The following SLC18B1 variants were observed in gnomAD, a reference collection of about 807,000 sequenced individuals.
SLC18B1 encodes MFS-type transporter SLC18B1.
SLC18B1 carries 62 observed loss-of-function variants against 53.9 expected under a neutral mutation model. That is an observed-to-expected ratio of 1.15 (90% CI 0.94 to 1.42). The LOEUF (loss-of-function observed/expected upper bound fraction) is 1.42. SLC18B1 is among the 40% of genes most tolerant of loss of function. The pLI is 0.00. For missense variants in SLC18B1, 598 were observed against 547.3 expected (o/e 1.09, Z -0.93); for synonymous variants, 217 against 200.9 (o/e 1.08, Z -0.68).
intron 7 of SLC18B1, among the ~76,000 whole-genome samples, chr6:132,776,659 A>G (rs1781108379): frequency 6.6e-6 from 1 of 151,866 alleles, no homozygotes; most frequent in Non-Finnish European, 1.5e-5. Context: ...AGCCTTTGGC[A>G]TTAAACATAT....
chr6:132,780,313 G>A (rs1192123859), intron 6 of SLC18B1, among the ~76,000 whole-genome samples: 3 of 151,780 alleles, frequency 2.0e-5, no homozygotes, highest in African/African-American at 7.3e-5. Context: ...TGCCCAGGCT[G>A]GTCTCAAATT....
In SLC18B1 at chr6:132,776,395, A is replaced by T. The variant is rs1271329288; in HGVS notation, c.830T>A (p.Phe277Tyr). 2 of 1,613,628 alleles carry T rather than the reference A, an allele frequency of 1.2e-6. No homozygotes were observed. Reference sequence around the variant, plus strand: ...GGCATAGGACAGTGCCATACCCAGGAATACTAGTCCCACATATCCAGCTGG... The same window carrying T: ...GGCATAGGACAGTGCCATACCCAGGTATACTAGTCCCACATATCCAGCTGG... ...NLPAGYVGLVFLGMALSYAIS... is the reference protein window; with the variant it reads ...NLPAGYVGLVYLGMALSYAIS... Residue 277 changes from phenylalanine (F) to tyrosine (Y), a missense_variant, in exon 8 of 14, where the codon TTC becomes TAC. Phe to Tyr is a conservative substitution (Grantham distance 22). Transcript: ENST00000275227.
chr6:132,793,241 C>T (rs915951440), intron 2 of SLC18B1, among the ~76,000 whole-genome samples: 1 of 152,192 alleles, frequency 6.6e-6, no homozygotes, highest in East Asian at 1.9e-4. Flanking sequence ...CACTGTTTTT[C>T]CTTTGCCCAG....
Position 132,775,874 on chromosome 6 carries a change from A to AT in SLC18B1, c.897+453dup, listed in dbSNP as rs755021208. ...TTGCCCTATTTATTAAGATCAATCC[A>AT]TTTTTTTACATCAAGTGAGCTTTTT... On this transcript the variant is annotated intron_variant, in intron 8 of 13. Transcript: ENST00000275227. Among the ~76,000 whole-genome samples, 98 of 152,098 alleles carry AT rather than the reference A, an allele frequency of 6.4e-4. 1 individual carries two copies. The highest frequency in any genetic ancestry group is 5.3e-4 in the Non-Finnish European group (36 of 68,028).
At chr6:132,783,857 CTG>C (rs1483267089) in intron 6 of SLC18B1, 74 bp downstream of exon 6, 2 of 1,135,178 alleles carry the variant, frequency 1.8e-6, no homozygotes, top group African/African-American at 3.3e-5. Flanking sequence ...AAAATAATAA[CTG>C]GTAAAACTGG....
chr6:132,790,026 A>G, intron 3 of SLC18B1, 151 bp downstream of exon 3: 1 of 706,080 alleles, frequency 1.4e-6, no homozygotes, highest in Non-Finnish European at 2.4e-6. Context: ...AAATCAATCA[A>G]CTCTGAGGAG....
chr6:132,798,285 C>G (rs1282855881), intron 1 of SLC18B1, 129 bp downstream of exon 1: 1 of 1,012,232 alleles, frequency 9.9e-7, no homozygotes, highest in Non-Finnish European at 1.3e-6. Flanking sequence ...CCGAACCCCA[C>G]GATCAGGCCC....
At chr6:132,782,418 A>G (rs1781261983) in intron 6 of SLC18B1, among the ~76,000 whole-genome samples, 1 of 152,184 alleles carries the variant, frequency 6.6e-6, no homozygotes, top group African/African-American at 2.4e-5. Flanking sequence ...AGAACACTTA[A>G]AATCTACTAT....
At chr6:132,784,210 C>A in intron 5 of SLC18B1, 121 bp from the exon 6 acceptor site, 1 of 664,466 alleles carries the variant, frequency 1.5e-6, no homozygotes, top group Non-Finnish European at 2.2e-6. Context: ...CCAAGATGGC[C>A]CCAAAATTTA....
chr6:132,778,940 C>T (rs1394569690), intron 7 of SLC18B1, among the ~76,000 whole-genome samples: 1 of 152,152 alleles, frequency 6.6e-6, no homozygotes, highest in African/African-American at 2.4e-5. Context: ...CCCCTAATGT[C>T]TCATTGCAAT....
In SLC18B1 at chr6:132,785,118, A is replaced by AGTGTGT. The variant is rs3063220; in HGVS notation, c.502-1035_502-1030dup. ...TGTTCTCGTGCTCTCTCTCTCTCTC[A>AGTGTGT]GTGTGTGTGTGTGTGTGTGTGTGTG... On this transcript the variant is annotated intron_variant, in intron 5 of 13. Transcript: ENST00000275227. Among the ~76,000 whole-genome samples the AGTGTGT allele has an allele frequency of 4.6e-4, 66 of 143,096 alleles. 1 individual carries two copies. The South Asian group carries it at 0.012, about 26-fold the overall frequency. The allele number at this position is 143,096 out of a possible 152,430, so 93.9% of individuals were successfully genotyped here.
At position 132,787,536 on chromosome 6, in the gene SLC18B1, A is replaced by G; in HGVS notation, c.399T>C (p.Cys133=). The change falls in exon 5 of 14, where the codon TGT becomes TGC. Residue 133 remains cysteine (C), a synonymous_variant. Transcript: ENST00000275227. ...VPDGPVFIAM[C]FLVRVMDAVS... ...CTGCATCCATTACTCTCACTAGAAA[A>G]CACATAGCAATAAATACTGGCCCAT... 6.2e-7 allele frequency: 1 copy of G among 1,610,614 alleles called. No individual in the cohort carries two copies. Among genetic ancestry groups the G allele is most frequent in the Non-Finnish European group, 8.5e-7 (1 of 1,178,620 alleles).
intron 9 of SLC18B1, 30 bp downstream of exon 9, chr6:132,774,192 G>A (rs1375189396): frequency 2.6e-6 from 4 of 1,541,388 alleles, no homozygotes; most frequent in Non-Finnish European, 3.5e-6. Context: ...ATGTTATTTG[G>A]CCAAACATAC....
rs1246019306 is a variant in SLC18B1, at chr6:132,792,309, A to G, written c.184-2037T>C. Among the ~76,000 whole-genome samples the G allele has an allele frequency of 1.2e-4, 13 of 105,866 alleles. 1 individual carries two copies. The South Asian group carries it at 4.6e-3, about 37-fold the overall frequency. The allele number at this position is 105,866 out of a possible 152,430, so 69.5% of individuals were successfully genotyped here. On this transcript the variant is annotated intron_variant, in intron 2 of 13. Coordinates refer to ENST00000275227, the MANE Select transcript of SLC18B1 (RefSeq NM_052831.3). The stretch of plus-strand genomic sequence containing the variant: ...GAAGAAAGGAAGGAAGGAAGGAAGG[A>G]AGGAAGGAAGGAAGGAAGGAAGGAA...
intron 1 of SLC18B1, 121 bp downstream of exon 1, chr6:132,798,293 C>T: frequency 8.9e-7 from 1 of 1,122,422 alleles, no homozygotes; most frequent in Non-Finnish European, 1.2e-6. Flanking sequence ...CACGATCAGG[C>T]CCCAGCCTTT....
rs571674795 is a variant in SLC18B1, at chr6:132,798,578, C to T, written c.-122G>A. 985 of 1,031,554 alleles carry T rather than the reference C, an allele frequency of 9.5e-4. 1 individual carries two copies. Among genetic ancestry groups the T allele is most frequent in the Admixed American group, 1.7e-3 (45 of 25,790 alleles). The allele number at this position is 1,031,554 out of a possible 1,614,324, so 63.9% of individuals were successfully genotyped here. The stretch of plus-strand genomic sequence containing the variant: ...CTGCTCAGCTGGAACCTGGCATCCC[C>T]GACTCCCTGCAGGCAGCGATCCGCC... On this transcript the variant is annotated 5_prime_UTR_variant, in exon 1 of 14. Transcript: ENST00000275227.
intron 6 of SLC18B1, among the ~76,000 whole-genome samples, chr6:132,780,068 C>A (rs1781193874): frequency 6.6e-6 from 1 of 151,610 alleles, no homozygotes; most frequent in Non-Finnish European, 1.5e-5. Flanking sequence ...GGGGATACAG[C>A]AAAATCATAT....
At chr6:132,789,900 A>T in intron 3 of SLC18B1, 63 bp from the exon 4 acceptor site, 3 of 1,136,780 alleles carry the variant, frequency 2.6e-6, no homozygotes, top group Non-Finnish European at 4.0e-6. Flanking sequence ...ATTGATATAA[A>T]CAAATCCACT....
At chr6:132,797,390 G>C (rs1440172759) in intron 1 of SLC18B1, among the ~76,000 whole-genome samples, 1 of 152,200 alleles carries the variant, frequency 6.6e-6, no homozygotes, top group African/African-American at 2.4e-5. Flanking sequence ...ACGAGGTCAG[G>C]AGATCGAGAC....
Sources: allele counts gnomAD v4.1 joint callset (sites outside exome capture counted in the v4.1 genomes callset), GRCh38; gene constraint gnomAD v4.1.1; transcripts MANE v1.5; gene names NCBI Gene and HGNC (gene_info 2026-07-23, HGNC 2026-07-21).